BLTP3B: variants seen among roughly 807,000 people sequenced by gnomAD.
The protein encoded by BLTP3B is bridge-like lipid transfer protein family member 3B, also known as UHRF1 (ICBP90) binding protein 1-like.
the BLTP3B span, among the ~76,000 whole-genome samples, chr12:100,064,461 A>C: frequency 2.6e-5 from 4 of 152,202 alleles, no homozygotes; most frequent in African/African-American, 9.6e-5. Flanking sequence ...CATCACAAAA[A>C]GATGATTGCC....
At chr12:100,111,351 T>C in the BLTP3B span, among the ~76,000 whole-genome samples, 1 of 139,472 alleles carries the variant, frequency 7.2e-6, no homozygotes, top group East Asian at 2.2e-4. Context: ...TGGAGTGCAG[T>C]GGTGTGATCA....
chr12:100,092,408 A>G, the BLTP3B span, among the ~76,000 whole-genome samples: 2 of 152,232 alleles, frequency 1.3e-5, no homozygotes, highest in Non-Finnish European at 2.9e-5. Context: ...TAATAGCTAC[A>G]AAGACTAAAG....
chr12:100,112,858 CAAAAAAAAAAAA>C, the BLTP3B span, among the ~76,000 whole-genome samples: 1 of 60,600 alleles, frequency 1.7e-5, no homozygotes, highest in Non-Finnish European at 3.4e-5. Flanking sequence ...GACTCCATCT[CAAAAAAAAAAAA>C]AAAAAAAGAA....
At chr12:100,071,422 G>A in the BLTP3B span, among the ~76,000 whole-genome samples, 2 of 150,670 alleles carry the variant, frequency 1.3e-5, no homozygotes, top group African/African-American at 4.9e-5. Context: ...GTTTGGGCCC[G>A]GGAGGCAGAG....
chr12:100,047,848 G>A, the BLTP3B span: 1 of 1,218,614 alleles, frequency 8.2e-7, no homozygotes, highest in Middle Eastern at 2.9e-4. Flanking sequence ...AATGCTGATA[G>A]AATATATTTT....
chr12:100,076,353 C>T, the BLTP3B span, among the ~76,000 whole-genome samples: 3 of 143,670 alleles, frequency 2.1e-5, no homozygotes, highest in Non-Finnish European at 4.5e-5. Context: ...CAATGGTTTA[C>T]TTACGTTTCC....
chr12:100,097,489 T>A, the BLTP3B span: 2 of 1,611,288 alleles, frequency 1.2e-6, no homozygotes, highest in Admixed American at 3.4e-5. Context: ...CCAATTTATT[T>A]CTTTAAAAGT....
At chr12:100,074,859 G>C in the BLTP3B span, among the ~76,000 whole-genome samples, 1 of 152,054 alleles carries the variant, frequency 6.6e-6, no homozygotes, top group Non-Finnish European at 1.5e-5. Context: ...GAACAGAATA[G>C]AGAACCCAGA....
At chr12:100,104,512 GTTCTT>G in the BLTP3B span, among the ~76,000 whole-genome samples, 4 of 147,446 alleles carry the variant, frequency 2.7e-5, no homozygotes, top group Non-Finnish European at 5.9e-5. Flanking sequence ...CCAATTTCAG[GTTCTT>G]TTAAGTATCT....
At chr12:100,102,738 G>T in the BLTP3B span, 45 of 1,265,492 alleles carry the variant, frequency 3.6e-5, no homozygotes, top group Admixed American at 4.2e-5. Flanking sequence ...GTTATTGGCA[G>T]TCATGCAGAT....
At chr12:100,120,793 AAGAGAGAG>A in the BLTP3B span, among the ~76,000 whole-genome samples, 2 of 149,590 alleles carry the variant, frequency 1.3e-5, no homozygotes, top group Non-Finnish European at 1.5e-5. Context: ...ACAATTATGT[AAGAGAGAG>A]AGAGAGAGAG....
chr12:100,137,936 G>A, the BLTP3B span, among the ~76,000 whole-genome samples: 1 of 152,152 alleles, frequency 6.6e-6, no homozygotes, highest in African/African-American at 2.4e-5. Context: ...ACCATGGGTA[G>A]ACAAAACTGG....
chr12:100,058,239 T>C, the BLTP3B span: 4 of 1,613,008 alleles, frequency 2.5e-6, no homozygotes, highest in Non-Finnish European at 3.4e-6. Flanking sequence ...ATCTTCTCTG[T>C]AGTTTAAGAT....
At chr12:100,137,775 T>C in the BLTP3B span, among the ~76,000 whole-genome samples, 324 of 152,318 alleles carry the variant, frequency 2.1e-3, no homozygotes, top group African/African-American at 7.3e-3. Flanking sequence ...AGGATAAAGT[T>C]CAATTTCCTT....
chr12:100,040,252 C>G, the BLTP3B span, among the ~76,000 whole-genome samples: 1 of 152,148 alleles, frequency 6.6e-6, no homozygotes, highest in South Asian at 2.1e-4. Flanking sequence ...TAACTTAGGG[C>G]AGGCACAGTG....
the BLTP3B span, among the ~76,000 whole-genome samples, chr12:100,123,011 C>G: frequency 6.6e-6 from 1 of 152,170 alleles, no homozygotes; most frequent in Non-Finnish European, 1.5e-5. Context: ...CCTCTCTCCT[C>G]CCATCCCATG....
At chr12:100,060,049 G>C in the BLTP3B span, 1 of 1,553,512 alleles carries the variant, frequency 6.4e-7, no homozygotes, top group South Asian at 1.2e-5. Flanking sequence ...TGGAACTGTG[G>C]AGACAAGATG....
the BLTP3B span, among the ~76,000 whole-genome samples, chr12:100,103,317 C>G: frequency 6.6e-6 from 1 of 152,076 alleles, no homozygotes; most frequent in East Asian, 1.9e-4. Flanking sequence ...AATAAACACT[C>G]CCATAATGGA....
At chr12:100,128,816 G>A in the BLTP3B span, 2 of 1,089,136 alleles carry the variant, frequency 1.8e-6, no homozygotes, top group Non-Finnish European at 1.1e-6. Flanking sequence ...ATTTAGCTGT[G>A]GTGCCCTTTG....
Sources: allele counts gnomAD v4.1 joint callset (sites outside exome capture counted in the v4.1 genomes callset), GRCh38; gene constraint gnomAD v4.1.1; transcripts MANE v1.5; gene names NCBI Gene and HGNC (gene_info 2026-07-23, HGNC 2026-07-21).